The following TCF7L2 variants were observed in gnomAD, a reference collection of about 807,000 sequenced individuals.
The protein encoded by TCF7L2 is transcription factor 7-like 2.
TCF7L2 carries 23 observed loss-of-function variants against 77.9 expected under a neutral mutation model. The observed-to-expected ratio is 0.30, with a 90% confidence interval of 0.21 to 0.42. TCF7L2 has a LOEUF of 0.42. Among genes scored for constraint, TCF7L2 ranks in the 10% least tolerant of loss-of-function variants. The pLI, the probability that TCF7L2 is intolerant of heterozygous loss-of-function variation, is 1.00. For synonymous variants in TCF7L2, 413 were observed against 340.2 expected (o/e 1.21, Z -2.36); for missense variants, 654 against 793.1 (o/e 0.82, Z 2.11).
chr10:112,967,049 G>GC (rs35374433), intron 4 of TCF7L2, among the ~76,000 whole-genome samples: 60,112 of 152,002 alleles, frequency 0.4, 15,778 homozygotes, highest in African/African-American at 0.72. Flanking sequence ...AGGATAAATG[G>GC]AAAAAGCAAA....
At chr10:112,964,809 T>TA (rs2036264512) in intron 4 of TCF7L2, among the ~76,000 whole-genome samples, 185 bp downstream of exon 4, 1 of 28,588 alleles carries the variant, frequency 3.5e-5, no homozygotes, top group Non-Finnish European at 6.1e-5. Flanking sequence ...GTGGTGGTGG[T>TA]GGTGGGGGGG....
chr10:113,001,726 C>T (rs1009065185), intron 4 of TCF7L2, among the ~76,000 whole-genome samples: 8 of 152,144 alleles, frequency 5.3e-5, no homozygotes, highest in Non-Finnish European at 1.0e-4. Flanking sequence ...TGATCATACT[C>T]GTTGTTTACA....
chr10:113,015,634 C>G (rs1205486445), intron 4 of TCF7L2, among the ~76,000 whole-genome samples: 2 of 152,164 alleles, frequency 1.3e-5, no homozygotes, highest in Non-Finnish European at 2.9e-5. Flanking sequence ...CGCCACCACT[C>G]CTGGCTAATT....
rs757508585 is a variant in TCF7L2 at position 113,151,818 on chromosome 10, A to G, written c.1095A>G (p.Arg365=). ...TCATGTTGTATATGAAGGAAATGAG[A>G]GCAAAGGTCGTAGCTGAGTGCACGT... Residue 365 remains arginine (R), a synonymous_variant, in exon 10 of 14, where the codon AGA becomes AGG. Transcript: ENST00000627217. This position sits in a 1 kb window ranked among gnomAD's most constrained non-coding sequence, Gnocchi z 5.2. 1 of 1,613,812 alleles carries G rather than the reference A, an allele frequency of 6.2e-7. No homozygotes were observed. Among genetic ancestry groups the G allele is most frequent in the South Asian group, 1.1e-5 (1 of 90,980 alleles).
intron 5 of TCF7L2, among the ~76,000 whole-genome samples, chr10:113,057,381 G>A (rs1052996859): frequency 5.9e-5 from 9 of 152,226 alleles, no homozygotes; most frequent in Non-Finnish European, 1.2e-4. Flanking sequence ...ATGTTGGCCA[G>A]GCTGGTCTCG....
At chr10:113,031,438 A>T (rs967392775) in intron 4 of TCF7L2, among the ~76,000 whole-genome samples, 1 of 151,818 alleles carries the variant, frequency 6.6e-6, no homozygotes, top group African/African-American at 2.4e-5. Flanking sequence ...TCAGGAAAAA[A>T]GTCCCTCTAA....
intron 5 of TCF7L2, among the ~76,000 whole-genome samples, chr10:113,064,926 A>G (rs189440446): frequency 6.6e-6 from 1 of 152,220 alleles, no homozygotes; most frequent in African/African-American, 2.4e-5. Flanking sequence ...AAACTTGTCA[A>G]TTGCCATTGT....
intron 6 of TCF7L2, among the ~76,000 whole-genome samples, chr10:113,142,630 G>C (rs1442497484): frequency 6.6e-6 from 1 of 152,202 alleles, no homozygotes; most frequent in African/African-American, 2.4e-5. Context: ...AGCCACACAT[G>C]AGCTGGGTTT....
intron 4 of TCF7L2, among the ~76,000 whole-genome samples, chr10:113,010,940 C>T (rs370817127): frequency 5.9e-5 from 9 of 152,004 alleles, no homozygotes; most frequent in South Asian, 2.1e-4. Flanking sequence ...CACCTGAGTC[C>T]GGCTGCAGTG....
chr10:113,072,832 C>T (rs1438915507), intron 5 of TCF7L2, among the ~76,000 whole-genome samples: 5 of 152,112 alleles, frequency 3.3e-5, no homozygotes, highest in Admixed American at 1.3e-4. Context: ...TTCTTGCCTG[C>T]CTTTTGGGAA....
At chr10:112,953,181 C>A (rs2032445913) in intron 3 of TCF7L2, among the ~76,000 whole-genome samples, 1 of 152,024 alleles carries the variant, frequency 6.6e-6, no homozygotes, top group African/African-American at 2.4e-5. Context: ...CTTTTTTGGG[C>A]CCTGGCAAAA....
At chr10:113,139,226 C>T (rs1326934534) in intron 5 of TCF7L2, among the ~76,000 whole-genome samples, 2 of 152,222 alleles carry the variant, frequency 1.3e-5, no homozygotes, top group East Asian at 1.9e-4. Flanking sequence ...TTTGCCCTGC[C>T]TCCTAACAGT....
At chr10:113,046,508 A>T (rs1037169213) in intron 5 of TCF7L2, among the ~76,000 whole-genome samples, 38 of 152,060 alleles carry the variant, frequency 2.5e-4, no homozygotes, top group African/African-American at 9.2e-4. Context: ...TCCTTAATTC[A>T]TGTTTTGCTG....
At chr10:112,971,923 TCTTTC>T (rs2038347683) in intron 4 of TCF7L2, among the ~76,000 whole-genome samples, 1 of 130,924 alleles carries the variant, frequency 7.6e-6, no homozygotes, top group African/African-American at 3.7e-5. Context: ...GTCATTTTTT[TCTTTC>T]CTTTTTTTTT....
chr10:112,977,925 AAGGAG>A (rs1298956295), intron 4 of TCF7L2, among the ~76,000 whole-genome samples: 1 of 152,194 alleles, frequency 6.6e-6, no homozygotes. Flanking sequence ...ACGAAGCAGA[AAGGAG>A]AGGAGTTGTT....
At chr10:113,100,705 G>C (rs1006204974) in intron 5 of TCF7L2, among the ~76,000 whole-genome samples, 2 of 152,216 alleles carry the variant, frequency 1.3e-5, no homozygotes, top group African/African-American at 4.8e-5. Flanking sequence ...AGGTGGAGGA[G>C]TATACGGGAT....
intron 5 of TCF7L2, among the ~76,000 whole-genome samples, chr10:113,098,905 T>C (rs372781692): frequency 1.3e-5 from 2 of 152,296 alleles, no homozygotes; most frequent in East Asian, 1.9e-4. Context: ...TTATTTTTAT[T>C]ATTTTCTCCA....
intron 5 of TCF7L2, among the ~76,000 whole-genome samples, chr10:113,057,045 T>A (rs1001157272): frequency 6.6e-6 from 1 of 152,212 alleles, no homozygotes; most frequent in South Asian, 2.1e-4. Context: ...AAGATCTTTT[T>A]ATTTGTTCTT....
chr10:113,021,740 G>A (rs1392554393), intron 4 of TCF7L2, among the ~76,000 whole-genome samples: 1 of 152,208 alleles, frequency 6.6e-6, no homozygotes, highest in Non-Finnish European at 1.5e-5. Context: ...AACTCTCCAC[G>A]TGTGTGTGTT....
Sources: gnomAD v4.1 joint callset for allele counts (sites outside exome capture counted in the v4.1 genomes callset) on GRCh38, gnomAD v4.1.1 for gene constraint, Gnocchi (gnomAD v3.1) non-coding constraint, MANE v1.5 for transcripts, NCBI Gene and HGNC (gene_info 2026-07-23, HGNC 2026-07-21) for gene names.